ATP1B3: variants seen among roughly 807,000 people sequenced by gnomAD.
ATP1B3 encodes ATPase Na+/K+ transporting subunit beta 3, also known as sodium/potassium-transporting ATPase subunit beta-3.
A neutral mutation model predicts 30.2 loss-of-function variants in ATP1B3; 10 were observed. The ratio of observed to expected loss-of-function variants is 0.33; its 90% CI spans 0.20 to 0.56. The LOEUF (loss-of-function observed/expected upper bound fraction) is 0.56. Among genes scored for constraint, ATP1B3 ranks in the 20% least tolerant of loss-of-function variants. The pLI is 0.90. For missense variants in ATP1B3, 238 were observed against 336.7 expected (o/e 0.71, Z 2.29); for synonymous variants, 113 against 117.0 (o/e 0.97, Z 0.22).
At chr3:141,879,776 C>CCCAAAAAAAAAA (rs1559863328) in intron 1 of ATP1B3, among the ~76,000 whole-genome samples, 2 of 29,676 alleles carry the variant, frequency 6.7e-5, no homozygotes, top group African/African-American at 2.3e-4. Flanking sequence ...AAGTCTCCAT[C>CCCAAAAAAAAAA]TCAAAAAAAA....
At position 141,876,718 on chromosome 3, in the gene ATP1B3, C is replaced by A; in HGVS notation, c.-84C>A. Reference sequence around the variant, plus strand: ...CCTTCACTGCCGTCTCCGGGCTGCGCCGCCGGAGCCGGGACGCGCCTCCGC... The same window carrying A: ...CCTTCACTGCCGTCTCCGGGCTGCGACGCCGGAGCCGGGACGCGCCTCCGC... On this transcript the variant is annotated 5_prime_UTR_variant, in exon 1 of 7. Transcript: ENST00000286371. 1.9e-6 allele frequency: 2 copies of A among 1,062,854 alleles called. No individual in the cohort carries two copies. The highest frequency in any genetic ancestry group is 2.8e-6 in the Non-Finnish European group (2 of 723,166). The allele number at this position is 1,062,854 out of a possible 1,614,324, so 65.8% of individuals were successfully genotyped here. A position where few individuals can be genotyped will look rare whatever the true frequency, so the allele number is the denominator to read the frequency against.
chr3:141,879,406 C>T (rs1015588552), intron 1 of ATP1B3, among the ~76,000 whole-genome samples: 3 of 152,074 alleles, frequency 2.0e-5, no homozygotes, highest in Non-Finnish European at 4.4e-5. Context: ...ATACTCCCAA[C>T]GGTATGTAGT....
chr3:141,896,713 A>G (rs1934074242), intron 1 of ATP1B3, among the ~76,000 whole-genome samples: 1 of 151,588 alleles, frequency 6.6e-6, no homozygotes, highest in Admixed American at 6.6e-5. Context: ...TAAGTTTTTT[A>G]TTTCAATAAT....
intron 5 of ATP1B3, chr3:141,916,385 G>A (rs111869164): frequency 6.7e-5 from 32 of 474,136 alleles, no homozygotes; most frequent in Middle Eastern, 3.2e-4. Context: ...GTTAGTTGGC[G>A]TGCTAGTCAT....
chr3:141,917,836 C>T (rs1227593933), intron 5 of ATP1B3, among the ~76,000 whole-genome samples: 16 of 150,940 alleles, frequency 1.1e-4, no homozygotes, highest in African/African-American at 2.9e-4. Flanking sequence ...GGCATGATCT[C>T]GGCTCACTGC....
In ATP1B3 at chr3:141,903,691, A is replaced by G; in HGVS notation, c.181A>G (p.Met61Val). The stretch of plus-strand genomic sequence containing the variant: ...ACTCTTCTCATTCACGATGTGGGTT[A>G]TGCTTCAGACTCTCAACGATGAGGT... Reference protein sequence around the residue: ...AALFSFTMWVMLQTLNDEVPK... With the variant: ...AALFSFTMWVVLQTLNDEVPK... Residue 61 changes from methionine to valine, a missense_variant, in exon 2 of 7, where the codon ATG becomes GTG. Physicochemically the swap from Met to Val is conservative, Grantham distance 21 (BLOSUM62 1). Coordinates refer to ENST00000286371, the MANE Select transcript of ATP1B3 (RefSeq NM_001679.4). The G allele has an allele frequency of 6.2e-7, 1 of 1,614,138 alleles. No homozygotes were observed.
chr3:141,893,337 A>G, intron 1 of ATP1B3, among the ~76,000 whole-genome samples: 1 of 151,980 alleles, frequency 6.6e-6, no homozygotes, highest in East Asian at 1.9e-4. Context: ...CTAAAATTTT[A>G]CCTTTTTATT....
rs1043809651 is a variant in ATP1B3 at position 141,876,668 on chromosome 3, G to C, written c.-134G>C. ...AGTCGGCTCGAGTACTCCCCGTAACGAGGAGGTGTTCTCGGCCGTCCCACC... is the reference window on the plus strand; with the variant it reads ...AGTCGGCTCGAGTACTCCCCGTAACCAGGAGGTGTTCTCGGCCGTCCCACC... On this transcript the variant is annotated 5_prime_UTR_variant, in exon 1 of 7. Transcript: ENST00000286371. The C allele has an allele frequency of 1.2e-5, 7 of 574,848 alleles. No homozygotes were observed. The African/African-American group carries it at 1.2e-4, about 10-fold the overall frequency. 35.6% of individuals were successfully genotyped at this position (574,848 alleles called of 1,614,324 possible).
chr3:141,877,598 G>A (rs573765757), intron 1 of ATP1B3: 38 of 151,864 alleles, frequency 2.5e-4, no homozygotes, highest in African/African-American at 9.2e-4. Context: ...AATTACAGAG[G>A]TTTTCTTCCT....
intron 1 of ATP1B3, among the ~76,000 whole-genome samples, chr3:141,900,727 C>G (rs1226718471): frequency 3.3e-5 from 5 of 152,132 alleles, no homozygotes; most frequent in Admixed American, 6.5e-5. Context: ...TCTCCTTCCC[C>G]TGGATGACAT....
In ATP1B3 at chr3:141,903,523, C is replaced by A; in HGVS notation, c.110-97C>A. ...TGCATGGCAAAGCTTGGGATCGTAC[C>A]CTTGCAAGAACAGTTGGTTTGTTTT... On this transcript the variant is annotated intron_variant, in intron 1 of 6. Transcript: ENST00000286371. 6 of 1,541,940 alleles carry A rather than the reference C, an allele frequency of 3.9e-6. No homozygotes were observed. In the South Asian group the frequency reaches 7.0e-5, roughly 18 times the overall value.
At chr3:141,888,654 G>C (rs756999320) in intron 1 of ATP1B3, among the ~76,000 whole-genome samples, 6 of 152,062 alleles carry the variant, frequency 3.9e-5, no homozygotes, top group Non-Finnish European at 7.4e-5. Flanking sequence ...ATCATGAATT[G>C]TAGCTCCCAT....
chr3:141,916,527 TTC>T (rs1365252473), intron 5 of ATP1B3: 1 of 1,285,992 alleles, frequency 7.8e-7, no homozygotes, highest in Non-Finnish European at 1.0e-6. Flanking sequence ...TTCTTTTGTT[TTC>T]TCTCCATGCT....
intron 1 of ATP1B3, among the ~76,000 whole-genome samples, chr3:141,883,578 T>C (rs1300659335): frequency 6.6e-6 from 1 of 152,154 alleles, no homozygotes; most frequent in Non-Finnish European, 1.5e-5. Context: ...TTTATAACTT[T>C]ATATATTGTT....
rs149351156 is a variant in ATP1B3, at chr3:141,906,205, A to C, written c.239-962A>C. 1.1e-3 allele frequency among the ~76,000 whole-genome samples: 173 copies of C among 151,798 alleles called. 2 individuals are homozygous for C. The highest frequency in any genetic ancestry group is 4.1e-3 in the African/African-American group (170 of 41,414). Reference sequence around the variant, plus strand: ...ATGCTTTTTTTTTTTTTTGAGACGAAGTCTCGCTCTGTCGCCCAGGCTGGA... The same window carrying C: ...ATGCTTTTTTTTTTTTTTGAGACGACGTCTCGCTCTGTCGCCCAGGCTGGA... On this transcript the variant is annotated intron_variant, in intron 2 of 6. Coordinates refer to ENST00000286371, the MANE Select transcript of ATP1B3 (RefSeq NM_001679.4).
At chr3:141,884,458 A>G (rs1933793049) in intron 1 of ATP1B3, among the ~76,000 whole-genome samples, 4 of 152,110 alleles carry the variant, frequency 2.6e-5, no homozygotes, top group African/African-American at 9.6e-5. Flanking sequence ...AGTGTTTGTG[A>G]TGGTTAATAT....
intron 6 of ATP1B3, among the ~76,000 whole-genome samples, chr3:141,922,336 A>G (rs1022320968): frequency 9.2e-5 from 14 of 152,154 alleles, no homozygotes; most frequent in African/African-American, 3.4e-4. Flanking sequence ...GTGCTTATGT[A>G]GAGAAAGTAG....
At chr3:141,879,311 G>A (rs757361119) in intron 1 of ATP1B3, among the ~76,000 whole-genome samples, 8 of 151,864 alleles carry the variant, frequency 5.3e-5, no homozygotes, top group Admixed American at 2.6e-4. Flanking sequence ...TATTTATACC[G>A]ATGGGATTTC....
chr3:141,894,279 AT>A (rs1019692604), intron 1 of ATP1B3, among the ~76,000 whole-genome samples: 5 of 151,744 alleles, frequency 3.3e-5, no homozygotes, highest in African/African-American at 7.3e-5. Context: ...ATTTATTAAA[AT>A]TTTTTTTACT....
Sources: allele counts gnomAD v4.1 joint callset (sites outside exome capture counted in the v4.1 genomes callset), GRCh38; gene constraint gnomAD v4.1.1; transcripts MANE v1.5; gene names NCBI Gene and HGNC (gene_info 2026-07-23, HGNC 2026-07-21).